Variants in DAAM1 observed in about 807,000 individuals in gnomAD.
The protein encoded by DAAM1 is disheveled-associated activator of morphogenesis 1.
Under a neutral mutation model 130.0 loss-of-function variants are expected in DAAM1, and 52 were observed. The ratio of observed to expected loss-of-function variants is 0.40; its 90% CI spans 0.32 to 0.50. The LOEUF is 0.50. Among genes scored for constraint, DAAM1 ranks in the 20% least tolerant of loss-of-function variants. The pLI, the probability that DAAM1 is intolerant of heterozygous loss-of-function variation, is 0.61. For missense variants in DAAM1, 1,134 were observed against 1,303.8 expected, an observed-to-expected ratio of 0.87 and a Z score of 2.01; for synonymous variants, 452 against 444.5, an observed-to-expected ratio of 1.02 and a Z score of -0.21.
At chr14:59,247,716 G>A (rs1447037973) in intron 1 of DAAM1, among the ~76,000 whole-genome samples, 1 of 149,510 alleles carries the variant, frequency 6.7e-6, no homozygotes, top group African/African-American at 2.4e-5. Context: ...CCAAGCTCAT[G>A]TTAAAAAAAA....
intron 1 of DAAM1, among the ~76,000 whole-genome samples, chr14:59,221,849 T>C (rs1301201962): frequency 6.6e-6 from 1 of 152,234 alleles, no homozygotes; most frequent in East Asian, 1.9e-4. Context: ...CCTCTGGAAC[T>C]AAGGCCAGCA....
At chr14:59,347,059 C>T (rs1886112648) in intron 16 of DAAM1, among the ~76,000 whole-genome samples, 1 of 152,012 alleles carries the variant, frequency 6.6e-6, no homozygotes, top group Non-Finnish European at 1.5e-5. Context: ...GAAGTACTTG[C>T]AGATTTTACT....
chr14:59,227,595 CT>C (rs1214876292), intron 1 of DAAM1, among the ~76,000 whole-genome samples: 1 of 152,188 alleles, frequency 6.6e-6, no homozygotes, highest in Non-Finnish European at 1.5e-5. Flanking sequence ...GGCTTGGATT[CT>C]CCCCATGTCT....
chr14:59,278,989 A>G (rs1468095558), intron 2 of DAAM1, among the ~76,000 whole-genome samples: 2 of 151,956 alleles, frequency 1.3e-5, no homozygotes, highest in Non-Finnish European at 2.9e-5. Context: ...TATTTTTTCT[A>G]CTTTGTCTAT....
chr14:59,226,279 A>G (rs1888941018), intron 1 of DAAM1, among the ~76,000 whole-genome samples: 1 of 152,218 alleles, frequency 6.6e-6, no homozygotes, highest in African/African-American at 2.4e-5. Flanking sequence ...GAAGGCACCA[A>G]GTAGCACCAA....
chr14:59,230,556 A>G (rs1889074179), intron 1 of DAAM1, among the ~76,000 whole-genome samples: 1 of 152,106 alleles, frequency 6.6e-6, no homozygotes, highest in African/African-American at 2.4e-5. Flanking sequence ...GAACTCATGG[A>G]CTTAGAAAGT....
At chr14:59,234,260 A>G (rs1258419139) in intron 1 of DAAM1, among the ~76,000 whole-genome samples, 8 of 152,200 alleles carry the variant, frequency 5.3e-5, no homozygotes, top group Non-Finnish European at 1.2e-4. Flanking sequence ...CCTATCCATG[A>G]GCATGGAATG....
At chr14:59,289,551 C>T (rs1285718779) in intron 2 of DAAM1, among the ~76,000 whole-genome samples, 1 of 152,020 alleles carries the variant, frequency 6.6e-6, no homozygotes, top group Non-Finnish European at 1.5e-5. Flanking sequence ...AGTTCAGCTA[C>T]TGTGGAAAGC....
chr14:59,363,388 GC>G (rs1176438065), intron 22 of DAAM1: 3 of 309,402 alleles, frequency 9.7e-6, no homozygotes, highest in African/African-American at 2.2e-5. Flanking sequence ...GCTTTCTAAA[GC>G]CTGAAAGAGA....
At chr14:59,339,818 T>C (rs1885774332) in intron 15 of DAAM1, among the ~76,000 whole-genome samples, 1 of 152,230 alleles carries the variant, frequency 6.6e-6, no homozygotes, top group Admixed American at 6.5e-5. Context: ...CATCTTCAAC[T>C]TAGAAGCACT....
rs1884178033 is a variant in DAAM1 at position 59,301,695 on chromosome 14, A to C, written c.273+10389A>C. ...GCCCCTTCTTCCTCTAGCCAAAGCA[A>C]CTTTATCTCGAGCATTTCTTTATAA... On this transcript the variant is annotated intron_variant, in intron 3 of 24. Transcript: ENST00000360909. Among the ~76,000 whole-genome samples the C allele has an allele frequency of 2.0e-5, 3 of 152,152 alleles. No homozygotes were observed. The South Asian group carries it at 6.2e-4, about 32-fold the overall frequency.
chr14:59,332,823 G>A, intron 15 of DAAM1, among the ~76,000 whole-genome samples: 1 of 152,124 alleles, frequency 6.6e-6, no homozygotes, highest in East Asian at 1.9e-4. Flanking sequence ...CTGAAGAGGT[G>A]GAATGATGGA....
At chr14:59,216,671 T>G (rs1005187068) in intron 1 of DAAM1, among the ~76,000 whole-genome samples, 1 of 151,722 alleles carries the variant, frequency 6.6e-6, no homozygotes, top group Admixed American at 6.6e-5. Context: ...AGTGAGCTGA[T>G]ATTGCACCAC....
intron 23 of DAAM1, 102 bp from the exon 24 acceptor site, chr14:59,367,327 T>G: frequency 6.8e-7 from 1 of 1,475,424 alleles, no homozygotes; most frequent in Non-Finnish European, 9.0e-7. Context: ...CAAACAAAAC[T>G]TACGTTTGAC....
intron 2 of DAAM1, among the ~76,000 whole-genome samples, chr14:59,278,015 T>C (rs528516341): frequency 5.9e-5 from 9 of 152,328 alleles, no homozygotes; most frequent in Non-Finnish European, 7.3e-5. Context: ...TGTTAAACTT[T>C]ATAAATTAGG....
At chr14:59,224,180 G>A (rs1888864421) in intron 1 of DAAM1, among the ~76,000 whole-genome samples, 1 of 152,200 alleles carries the variant, frequency 6.6e-6, no homozygotes, top group African/African-American at 2.4e-5. Flanking sequence ...CAGCATACCA[G>A]GTACCAGGTG....
At chr14:59,214,254 G>A (rs1054654094) in intron 1 of DAAM1, among the ~76,000 whole-genome samples, 3 of 152,206 alleles carry the variant, frequency 2.0e-5, no homozygotes, top group Non-Finnish European at 4.4e-5. Context: ...TGTCTTTCTT[G>A]TATACGTTGG....
chr14:59,363,769 A>C lies in DAAM1; in HGVS notation c.2813A>C (p.Glu938Ala). ...TCTGATGTTGAAGACCTTCTAGCAG[A>C]AGCTAAAGACCTGGTAAGTTTCCCC... ...SFSDVEDLLA[E>A]AKDLFTKAVK... Residue 938 changes from glutamate (E) to alanine (A), a missense_variant, in exon 23 of 25, where the codon GAA becomes GCA. Around this residue, in one of 3 missense-constraint regions of DAAM1, gnomAD observed 644 missense variants for 695.9 expected, o/e 0.93. Transcript: ENST00000360909. The C allele has an allele frequency of 1.9e-6, 3 of 1,613,978 alleles. No homozygotes were observed. Among genetic ancestry groups the C allele is most frequent in the Non-Finnish European group, 1.7e-6 (2 of 1,179,962 alleles).
At chr14:59,242,716 G>A (rs1881185215) in intron 1 of DAAM1, among the ~76,000 whole-genome samples, 1 of 152,026 alleles carries the variant, frequency 6.6e-6, no homozygotes, top group Non-Finnish European at 1.5e-5. Context: ...CCGCCACCAC[G>A]CCTGGCTAAT....
Sources: allele counts gnomAD v4.1 joint callset (sites outside exome capture counted in the v4.1 genomes callset), GRCh38; gene constraint gnomAD v4.1.1; regional missense constraint gnomAD v4.1.1; transcripts MANE v1.5; gene names NCBI Gene and HGNC (gene_info 2026-07-23, HGNC 2026-07-21).